ULK4: variants seen among roughly 807,000 people sequenced by gnomAD.
ULK4 encodes the protein inactive serine/threonine-protein kinase ULK4.
ULK4 carries 133 observed loss-of-function variants against 160.6 expected under a neutral mutation model. The observed-to-expected ratio is 0.83, with a 90% CI of 0.72 to 0.96. The LOEUF (loss-of-function observed/expected upper bound fraction) is 0.96. Among genes scored for constraint, ULK4 ranks in the 40% least tolerant of loss-of-function variants. ULK4 has a pLI of 0.00. For missense variants in ULK4, 1,580 were observed against 1,499.5 expected, an observed-to-expected ratio of 1.05 and a Z score of -0.89; for synonymous variants, 534 against 539.8, an observed-to-expected ratio of 0.99 and a Z score of 0.15.
chr3:41,619,697 A>G (rs541181869), intron 30 of ULK4, among the ~76,000 whole-genome samples: 34 of 152,314 alleles, frequency 2.2e-4, no homozygotes, highest in African/African-American at 8.2e-4. Flanking sequence ...TAACATCATA[A>G]TTAAAAAAAA....
In ULK4 at chr3:41,931,875, G is replaced by C; in HGVS notation, c.510C>G (p.Val170=). The C allele has an allele frequency of 6.2e-7, 1 of 1,613,922 alleles. No individual in the cohort carries two copies. Among genetic ancestry groups the C allele is most frequent in the Non-Finnish European group, 8.5e-7 (1 of 1,179,982 alleles). Residue 170 remains valine, a synonymous_variant, in exon 5 of 37, where the codon GTC becomes GTG. Coordinates refer to ENST00000301831, the MANE Select transcript of ULK4 (RefSeq NM_017886.4). ...EEGGGDNGEN[V]LKKSMKSRVK... is the part of the protein sequence containing the mutation. ...CTCTACTTTTCATGCTTTTCTTCAG[G>C]ACATTTTCCCCATTATCACCTCCTC...
intron 34 of ULK4, among the ~76,000 whole-genome samples, chr3:41,413,399 G>GAA (rs1436808948): frequency 6.6e-6 from 1 of 152,150 alleles, no homozygotes; most frequent in East Asian, 1.9e-4. Flanking sequence ...TTGGATTGGG[G>GAA]AAAGGTTTAA....
At chr3:41,703,796 A>G (rs1461951288) in intron 27 of ULK4, among the ~76,000 whole-genome samples, 1 of 151,880 alleles carries the variant, frequency 6.6e-6, no homozygotes, top group African/African-American at 2.4e-5. Context: ...GTCAGAAGCC[A>G]CAGAATATAG....
At chr3:41,506,608 T>C (rs2085379623) in intron 32 of ULK4, among the ~76,000 whole-genome samples, 1 of 151,346 alleles carries the variant, frequency 6.6e-6, no homozygotes, top group Non-Finnish European at 1.5e-5. Context: ...AAATTTAACA[T>C]CAACTTCTCT....
chr3:41,902,500 C>T (rs1456236254), intron 12 of ULK4, among the ~76,000 whole-genome samples: 1 of 150,884 alleles, frequency 6.6e-6, no homozygotes, highest in Admixed American at 6.6e-5. Context: ...ATCGCTTGAA[C>T]CTGGGAGGCG....
At chr3:41,453,724 T>C (rs1247517866) in intron 34 of ULK4, among the ~76,000 whole-genome samples, 1 of 152,156 alleles carries the variant, frequency 6.6e-6, no homozygotes, top group Admixed American at 6.5e-5. Flanking sequence ...AATACGGTCT[T>C]GCATTATTAT....
At chr3:41,305,997 T>A (rs1474338393) in intron 35 of ULK4, among the ~76,000 whole-genome samples, 2 of 143,544 alleles carry the variant, frequency 1.4e-5, no homozygotes, top group African/African-American at 2.7e-5. Flanking sequence ...CCGCCCCGTC[T>A]GAGAAGTAAG....
At chr3:41,387,469 C>T (rs1011511721) in intron 35 of ULK4, among the ~76,000 whole-genome samples, 3 of 151,948 alleles carry the variant, frequency 2.0e-5, no homozygotes, top group African/African-American at 4.8e-5. Context: ...GTGTGCTGCA[C>T]CCATCAACTC....
chr3:41,917,942 A>G (rs541108404), intron 7 of ULK4, among the ~76,000 whole-genome samples: 43 of 152,008 alleles, frequency 2.8e-4, no homozygotes, highest in Non-Finnish European at 4.9e-4. Flanking sequence ...AGCCGAGAAC[A>G]CGCCACTGCA....
intron 32 of ULK4, among the ~76,000 whole-genome samples, chr3:41,558,379 T>C (rs1034553995): frequency 1.1e-4 from 16 of 152,052 alleles, no homozygotes; most frequent in Non-Finnish European, 1.5e-4. Flanking sequence ...GAAAAAAATA[T>C]TACCAGCATT....
chr3:41,900,767 C>G lies in ULK4; in HGVS notation c.1245G>C (p.Thr415=). 6.2e-7 allele frequency: 1 copy of G among 1,613,582 alleles called. No homozygotes were observed. The highest frequency in any genetic ancestry group is 8.5e-7 in the Non-Finnish European group (1 of 1,179,694). Residue 415 remains threonine, a synonymous_variant, in exon 13 of 37, where the codon ACG becomes ACC. Coordinates refer to ENST00000301831, the MANE Select transcript of ULK4 (RefSeq NM_017886.4). ...TGGGGGTGACAACAAGATCTGAGTC[C>G]GTGTAGATAAGCTCTCTCATCTGGG... ...LESQMRELIY[T]DSDLVVTPII...
chr3:41,564,127 G>T (rs2087701590), intron 32 of ULK4, among the ~76,000 whole-genome samples: 1 of 152,186 alleles, frequency 6.6e-6, no homozygotes, highest in African/African-American at 2.4e-5. Context: ...TCCCTCAGCT[G>T]CAGGTCTGTT....
At chr3:41,785,867 C>T (rs2039984541) in intron 21 of ULK4, among the ~76,000 whole-genome samples, 1 of 152,152 alleles carries the variant, frequency 6.6e-6, no homozygotes, top group Admixed American at 6.6e-5. Flanking sequence ...TCCCTTCCTC[C>T]CTGCTGGCTG....
chr3:41,821,145 C>G (rs2041132605), intron 18 of ULK4, among the ~76,000 whole-genome samples: 1 of 152,156 alleles, frequency 6.6e-6, no homozygotes, highest in African/African-American at 2.4e-5. Context: ...CACTCCTGCC[C>G]AAAACCTAAA....
intron 35 of ULK4, among the ~76,000 whole-genome samples, chr3:41,297,434 A>G (rs1031738884): frequency 6.6e-6 from 1 of 152,240 alleles, no homozygotes; most frequent in African/African-American, 2.4e-5. Context: ...CTGGCAAAAC[A>G]GGGGCCGAAC....
At chr3:41,630,501 TTCTCTG>T (rs1337137234) in intron 30 of ULK4, among the ~76,000 whole-genome samples, 3 of 152,206 alleles carry the variant, frequency 2.0e-5, no homozygotes, top group Non-Finnish European at 4.4e-5. Flanking sequence ...TCTCTTGGAC[TTCTCTG>T]TCTCTGACCT....
chr3:41,587,438 T>G (rs1327414801), intron 31 of ULK4, among the ~76,000 whole-genome samples: 4 of 152,206 alleles, frequency 2.6e-5, no homozygotes, highest in Non-Finnish European at 1.5e-5. Flanking sequence ...GTAGTGGGGA[T>G]AGAGCTCCTG....
intron 19 of ULK4, among the ~76,000 whole-genome samples, chr3:41,816,735 C>G (rs1305574349): frequency 2.6e-5 from 4 of 152,040 alleles, no homozygotes; most frequent in Non-Finnish European, 4.4e-5. Context: ...TCACTTGATC[C>G]CAGAGGCGGA....
At chr3:41,743,887 T>A (rs2038327614) in intron 22 of ULK4, among the ~76,000 whole-genome samples, 1 of 151,614 alleles carries the variant, frequency 6.6e-6, no homozygotes, top group African/African-American at 2.4e-5. Flanking sequence ...GCACCGTGCC[T>A]GGACAAGACA....
Sources: gnomAD v4.1 joint callset for allele counts (sites outside exome capture counted in the v4.1 genomes callset) on GRCh38, gnomAD v4.1.1 for gene constraint, MANE v1.5 for transcripts, NCBI Gene and HGNC (gene_info 2026-07-23, HGNC 2026-07-21) for gene names.